The following LIPA variants were observed in gnomAD, a reference collection of about 807,000 sequenced individuals.
The protein encoded by LIPA is lysosomal acid lipase/cholesteryl ester hydrolase.
Under a neutral mutation model 40.6 loss-of-function variants are expected in LIPA, and 26 were observed. The observed-to-expected ratio is 0.64, with a 90% CI of 0.47 to 0.89. The LOEUF (loss-of-function observed/expected upper bound fraction) is 0.89. Among genes scored for constraint, LIPA ranks in the 40% least tolerant of loss-of-function variants. The probability of loss-of-function intolerance (pLI) is 0.00; values close to 1 mark genes in which losing one functional copy is unlikely to be tolerated. For synonymous variants in LIPA, 188 were observed against 168.4 expected (o/e 1.12, Z -0.90); for missense variants, 455 against 479.6 (o/e 0.95, Z 0.48).
intron 1 of LIPA, among the ~76,000 whole-genome samples, chr10:89,272,749 C>T (rs1391021893): frequency 6.6e-6 from 1 of 152,202 alleles, no homozygotes; most frequent in African/African-American, 2.4e-5. Context: ...TACAACCTCG[C>T]CAGCATCTAT....
At chr10:89,278,501 C>T (rs1843300162) in intron 1 of LIPA, 1 of 152,234 alleles carries the variant, frequency 6.6e-6, no homozygotes, top group Non-Finnish European at 1.5e-5. Context: ...TTACAATAAA[C>T]ATCTGTGATA....
intron 1 of LIPA, among the ~76,000 whole-genome samples, chr10:89,263,650 G>C (rs1264786098): frequency 1.3e-5 from 2 of 152,214 alleles, no homozygotes. Flanking sequence ...GATCCTTAGG[G>C]TGTCACTTTT....
intron 2 of LIPA, among the ~76,000 whole-genome samples, chr10:89,390,658 C>T (rs992514483): frequency 3.3e-5 from 5 of 151,528 alleles, no homozygotes; most frequent in African/African-American, 1.2e-4. Context: ...TAATGCTGTT[C>T]TATCCTGTGT....
intron 1 of LIPA, among the ~76,000 whole-genome samples, chr10:89,327,420 G>C (rs564211968): frequency 1.3e-5 from 2 of 152,102 alleles, no homozygotes; most frequent in Admixed American, 6.5e-5. Context: ...GCATGGTGGT[G>C]GGTGCCTGTA....
chr10:89,292,782 A>G (rs1190285165), intron 1 of LIPA, among the ~76,000 whole-genome samples: 1 of 151,502 alleles, frequency 6.6e-6, no homozygotes, highest in African/African-American at 2.4e-5. Context: ...GGTAGCTAGG[A>G]CGACAGGCTC....
intron 2 of LIPA, among the ~76,000 whole-genome samples, chr10:89,398,243 G>C (rs1319645212): frequency 1.3e-5 from 2 of 152,236 alleles, no homozygotes; most frequent in African/African-American, 4.8e-5. Context: ...GTACAAGGGA[G>C]TGTGGGGGAA....
At chr10:89,386,811 T>C (rs1411426969) in intron 2 of LIPA, among the ~76,000 whole-genome samples, 1 of 152,190 alleles carries the variant, frequency 6.6e-6, no homozygotes, top group East Asian at 1.9e-4. Flanking sequence ...TAGTAAGTTG[T>C]CAGGAAATTA....
upstream of LIPA, chr10:89,252,204 T>C (rs1843136340): frequency 6.6e-6 from 1 of 152,282 alleles, no homozygotes; most frequent in African/African-American, 2.4e-5. Flanking sequence ...GCGCTTATCA[T>C]TGTGCCTGAT....
intron 2 of LIPA, among the ~76,000 whole-genome samples, chr10:89,382,795 G>A (rs1324763856): frequency 6.6e-6 from 1 of 152,214 alleles, no homozygotes; most frequent in Non-Finnish European, 1.5e-5. Flanking sequence ...CTCCAACCTG[G>A]CTTGAGCATT....
At chr10:89,332,474 T>A (rs10509570) in intron 1 of LIPA, 93,250 of 1,520,606 alleles carry the variant, frequency 0.061, 3,688 homozygotes, top group South Asian at 0.17. Context: ...TAGGGTTCCA[T>A]CAGTTTCACT....
upstream of LIPA, among the ~76,000 whole-genome samples, chr10:89,342,908 T>C (rs917176265): frequency 6.6e-6 from 1 of 152,228 alleles, no homozygotes; most frequent in African/African-American, 2.4e-5. Context: ...TTTGTTTTCC[T>C]TGGATTGGCT....
intron 1 of LIPA, among the ~76,000 whole-genome samples, chr10:89,296,998 C>T (rs1412512561): frequency 6.6e-6 from 1 of 152,132 alleles, no homozygotes; most frequent in Non-Finnish European, 1.5e-5. Flanking sequence ...CAGACACCCA[C>T]CCTCTCTAGA....
At chr10:89,382,452 T>C (rs1367881835) in intron 2 of LIPA, among the ~76,000 whole-genome samples, 5 of 152,158 alleles carry the variant, frequency 3.3e-5, no homozygotes, top group Non-Finnish European at 7.4e-5. Context: ...CGTGAACTAT[T>C]GGGGAAAAAA....
intron 3 of LIPA, among the ~76,000 whole-genome samples, chr10:89,241,451 T>C (rs1319274589): frequency 6.6e-6 from 1 of 152,204 alleles, no homozygotes; most frequent in Non-Finnish European, 1.5e-5. Flanking sequence ...TGTAGCCCGT[T>C]AGAGCACTGC....
At chr10:89,322,898 G>A (rs1254463362) in intron 1 of LIPA, among the ~76,000 whole-genome samples, 2 of 152,162 alleles carry the variant, frequency 1.3e-5, no homozygotes, top group African/African-American at 4.8e-5. Context: ...GCCACTGGTT[G>A]CCAGGCAGGC....
intron 1 of LIPA, among the ~76,000 whole-genome samples, chr10:89,280,988 C>T (rs540216811): frequency 1.3e-5 from 2 of 152,250 alleles, no homozygotes; most frequent in South Asian, 2.1e-4. Context: ...AGAAAAAGCA[C>T]GTTAATATAT....
intron 2 of LIPA, among the ~76,000 whole-genome samples, chr10:89,364,507 GC>G (rs1844044567): frequency 6.6e-6 from 1 of 151,914 alleles, no homozygotes; most frequent in South Asian, 2.1e-4. Flanking sequence ...ACTTCTTAAG[GC>G]CCATCTCTCT....
chr10:89,245,756 T>G lies in LIPA; in HGVS notation c.149A>C (p.Glu50Ala). 6.2e-7 allele frequency: 1 copy of G among 1,600,112 alleles called. No homozygotes were observed. The highest frequency in any genetic ancestry group is 1.7e-4 in the Middle Eastern group (1 of 6,046). ...IISYWGFPSE[E>A]YLVETEDGYI... Reference sequence around the variant, plus strand: ...TCCATCTTCTGTCTCAACTAGGTATTCCTCACTAGGGAATCCCCAGTAAGA... The same window carrying G: ...TCCATCTTCTGTCTCAACTAGGTATGCCTCACTAGGGAATCCCCAGTAAGA... The change falls in exon 3 of 10, where the codon GAA becomes GCA. Residue 50 changes from glutamate to alanine, a missense_variant. Coordinates refer to ENST00000336233, the MANE Select transcript of LIPA (RefSeq NM_000235.4).
chr10:89,280,839 TG>T (rs1843310862), intron 1 of LIPA, among the ~76,000 whole-genome samples: 1 of 152,328 alleles, frequency 6.6e-6, no homozygotes, highest in Middle Eastern at 3.4e-3. Context: ...TTGGTTTCAA[TG>T]GCCAATTTTG....
Sources: gnomAD v4.1 joint callset for allele counts (sites outside exome capture counted in the v4.1 genomes callset) on GRCh38, gnomAD v4.1.1 for gene constraint, MANE v1.5 for transcripts, NCBI Gene and HGNC (gene_info 2026-07-23, HGNC 2026-07-21) for gene names.